Variants in PLEKHG1 observed in about 807,000 individuals in gnomAD.
PLEKHG1 encodes the protein pleckstrin homology domain-containing family G member 1.
In PLEKHG1, 44 loss-of-function variants were observed where a neutral mutation model predicts 100.8. The ratio of observed to expected loss-of-function variants is 0.44; its 90% CI spans 0.34 to 0.56. The LOEUF (loss-of-function observed/expected upper bound fraction) is 0.56. Among genes scored for constraint, PLEKHG1 ranks in the 20% least tolerant of loss-of-function variants. The pLI is 0.01. For synonymous variants in PLEKHG1, 640 were observed against 662.5 expected (o/e 0.97, Z 0.52); for missense variants, 1,545 against 1,720.9 (o/e 0.90, Z 1.81).
chr6:150,779,802 T>C (rs971845505), intron 3 of PLEKHG1, among the ~76,000 whole-genome samples: 1 of 151,504 alleles, frequency 6.6e-6, no homozygotes, highest in Non-Finnish European at 1.5e-5. Flanking sequence ...CTGTCTCTAC[T>C]AAAAATACAA....
At chr6:150,766,174 T>A (rs1464738230) in intron 2 of PLEKHG1, among the ~76,000 whole-genome samples, 1 of 152,232 alleles carries the variant, frequency 6.6e-6, no homozygotes, top group Non-Finnish European at 1.5e-5. Flanking sequence ...CTCTGCTCCT[T>A]CCCTCACCAA....
intron 3 of PLEKHG1, among the ~76,000 whole-genome samples, chr6:150,692,871 AC>A (rs1780394567): frequency 6.6e-6 from 1 of 152,194 alleles, no homozygotes; most frequent in Non-Finnish European, 1.5e-5. Context: ...TGTGTAGAAA[AC>A]AGTAGAAAGG....
chr6:150,759,011 C>T (rs550616632), intron 2 of PLEKHG1, among the ~76,000 whole-genome samples: 20 of 152,300 alleles, frequency 1.3e-4, no homozygotes, highest in Middle Eastern at 3.4e-3. Context: ...TGCCCTGACT[C>T]CCTGTGACTG....
At position 150,816,476 on chromosome 6, in the gene PLEKHG1, C is replaced by A. The variant is rs531618187; in HGVS notation, c.1279-1707C>A. On this transcript the variant is annotated intron_variant, in intron 10 of 15. Transcript: ENST00000358517. ...CTGAGTAGCTGGGATGTCAGGCACA[C>A]ACCACCACGCACAGCTAATTTTTGT... is the stretch of plus-strand genomic sequence containing the variant. 2.0e-5 allele frequency among the ~76,000 whole-genome samples: 3 copies of A among 151,560 alleles called. No individual in the cohort carries two copies. In the East Asian group the frequency reaches 5.8e-4, roughly 29 times the overall value.
At chr6:150,645,162 C>G (rs1262825884) in intron 2 of PLEKHG1, among the ~76,000 whole-genome samples, 2 of 152,130 alleles carry the variant, frequency 1.3e-5, no homozygotes, top group African/African-American at 2.4e-5. Context: ...AATCTTGAAA[C>G]AGGCCCACAT....
chr6:150,796,119 T>C (rs1786316920), intron 5 of PLEKHG1, among the ~76,000 whole-genome samples: 1 of 151,952 alleles, frequency 6.6e-6, no homozygotes, highest in African/African-American at 2.4e-5. Context: ...TGGGGAAAAA[T>C]TGTAAAAGTC....
chr6:150,737,840 A>G (rs989675669), intron 2 of PLEKHG1, among the ~76,000 whole-genome samples: 13 of 151,730 alleles, frequency 8.6e-5, no homozygotes, highest in African/African-American at 3.1e-4. Context: ...ATCTCACCCT[A>G]TCACCCAGGC....
chr6:150,715,450 G>A (rs1294642040), intron 3 of PLEKHG1, among the ~76,000 whole-genome samples: 2 of 151,446 alleles, frequency 1.3e-5, no homozygotes, highest in African/African-American at 2.4e-5. Context: ...CTTTTGGCGT[G>A]CAATTGACTT....
intron 1 of PLEKHG1, among the ~76,000 whole-genome samples, chr6:150,728,424 T>C (rs1476404790): frequency 6.6e-6 from 1 of 151,398 alleles, no homozygotes; most frequent in Non-Finnish European, 1.5e-5. Context: ...AAAGACTTCA[T>C]CTCTAGAAAA....
exon 2 of PLEKHG1, chr6:150,733,807 G>T (rs755647055): frequency 1.2e-6 from 2 of 1,614,200 alleles, no homozygotes; most frequent in East Asian, 4.5e-5. Context: ...ACATGGGCTT[G>T]TTTAACCAGG....
At chr6:150,711,401 C>A (rs1238743074) in intron 3 of PLEKHG1, among the ~76,000 whole-genome samples, 3 of 152,122 alleles carry the variant, frequency 2.0e-5, no homozygotes, top group African/African-American at 7.2e-5. Flanking sequence ...ACTGATAGGA[C>A]AGCTCAAATA....
chr6:150,785,508 T>A lies in PLEKHG1; in HGVS notation c.513-882T>A, dbSNP rs557180595. On this transcript the variant is annotated intron_variant, in intron 3 of 15. Coordinates refer to ENST00000358517, the Ensembl canonical transcript of PLEKHG1. The stretch of plus-strand genomic sequence containing the variant: ...GGTACAGTCACACAATGAAGTATTA[T>A]GCTGTTACTTAAAATAATGATACTC... Among the ~76,000 whole-genome samples the A allele has an allele frequency of 1.1e-3, 175 of 152,324 alleles. 1 individual carries two copies. The highest frequency in any genetic ancestry group is 4.0e-3 in the African/African-American group (168 of 41,570).
intron 6 of PLEKHG1, among the ~76,000 whole-genome samples, chr6:150,803,768 T>G (rs1278911322): frequency 6.6e-6 from 1 of 152,166 alleles, no homozygotes; most frequent in Non-Finnish European, 1.5e-5. Flanking sequence ...TTTGTAAAGA[T>G]AGTTTTCGCT....
At chr6:150,809,262 C>G (rs770697459) in exon 8 of PLEKHG1, 1 of 1,614,064 alleles carries the variant, frequency 6.2e-7, no homozygotes, top group Non-Finnish European at 8.5e-7. Flanking sequence ...AGAGATGACA[C>G]GTTTACATAC....
intron 2 of PLEKHG1, among the ~76,000 whole-genome samples, chr6:150,755,021 G>T (rs555773053): frequency 6.6e-6 from 1 of 150,432 alleles, no homozygotes; most frequent in East Asian, 2.0e-4. Flanking sequence ...TGTTACCCAG[G>T]CTGTAGTCCT....
At chr6:150,759,823 C>A (rs951993895) in intron 2 of PLEKHG1, among the ~76,000 whole-genome samples, 1 of 151,596 alleles carries the variant, frequency 6.6e-6, no homozygotes, top group Non-Finnish European at 1.5e-5. Context: ...ATAGTGAGAC[C>A]CTATCTTTAC....
At position 150,827,649 on chromosome 6, in the gene PLEKHG1, G is replaced by C. The variant is rs1250136754; in HGVS notation, c.1471-2933G>C. 7.2e-6 allele frequency: 6 copies of C among 838,796 alleles called. No individual in the cohort carries two copies. The Admixed American group carries it at 8.6e-5, about 12-fold the overall frequency. 52.0% of individuals were successfully genotyped at this position (838,796 alleles called of 1,614,324 possible). Reference sequence around the variant, plus strand: ...AGCGGCACAGCTGGCTTGAGCAACTGAACTGGAAACAAGATGCAGGACCCC... The same window carrying C: ...AGCGGCACAGCTGGCTTGAGCAACTCAACTGGAAACAAGATGCAGGACCCC... On this transcript the variant is annotated intron_variant, in intron 14 of 15. Transcript: ENST00000358517.
In PLEKHG1 at chr6:150,831,372, G is replaced by A. The variant is rs745421335; in HGVS notation, c.2261G>A (p.Gly754Asp). The change falls in exon 15 of 16, where the codon GGT becomes GAT. Residue 754 changes from glycine to aspartate, a missense_variant. Coordinates refer to ENST00000358517, the Ensembl canonical transcript of PLEKHG1. The surrounding 1 kb of genome is among the most constrained non-coding windows in gnomAD (Gnocchi z 4.1). ...GGGCTCCCAGATCCTCCGTCGCTGG[G>A]TTTTAAGTGCAGCAGCCTAAAGCGT... is the stretch of plus-strand genomic sequence containing the variant. The A allele has an allele frequency of 6.2e-6, 10 of 1,613,998 alleles. No individual in the cohort carries two copies. The highest frequency in any genetic ancestry group is 8.5e-6 in the Non-Finnish European group (10 of 1,180,038).
intron 1 of PLEKHG1, among the ~76,000 whole-genome samples, chr6:150,603,076 T>G (rs1179944558): frequency 4.5e-5 from 1 of 22,112 alleles, no homozygotes; most frequent in African/African-American, 1.1e-4. Flanking sequence ...CGAGACTCCG[T>G]CTCAAAAAAA....
Sources: gnomAD v4.1 joint callset for allele counts (sites outside exome capture counted in the v4.1 genomes callset) on GRCh38, gnomAD v4.1.1 for gene constraint, Gnocchi (gnomAD v3.1) non-coding constraint, MANE v1.5 for transcripts, NCBI Gene and HGNC (gene_info 2026-07-23, HGNC 2026-07-21) for gene names.